DDX60: variants seen among roughly 807,000 people sequenced by gnomAD.
The protein encoded by DDX60 is probable ATP-dependent RNA helicase DDX60.
DDX60 carries 165 observed loss-of-function variants against 212.8 expected under a neutral mutation model. The ratio of observed to expected loss-of-function variants is 0.78; its 90% CI spans 0.68 to 0.88. DDX60 has a LOEUF of 0.88. Ranked by LOEUF, DDX60 falls within the 40% of genes least tolerant of loss-of-function variation. DDX60 has a pLI of 0.00. For synonymous variants in DDX60, 703 were observed against 685.3 expected (o/e 1.03, Z -0.40); for missense variants, 1,905 against 2,003.9 (o/e 0.95, Z 0.94).
chr4:168,236,809 A>G (rs1413799290), intron 32 of DDX60, among the ~76,000 whole-genome samples: 4 of 151,806 alleles, frequency 2.6e-5, no homozygotes, highest in Non-Finnish European at 5.9e-5. Flanking sequence ...TTAATATACT[A>G]TTAGCTATTT....
chr4:168,297,297 C>CGAAAGAAAGAAAGAAAGAAAGAAA (rs70961508), intron 6 of DDX60, among the ~76,000 whole-genome samples: 21 of 67,472 alleles, frequency 3.1e-4, no homozygotes, highest in South Asian at 1.5e-3. Context: ...GAGAGAGAGA[C>CGAAAGAAAGAAAGAAAGAAAGAAA]GAAAGAAAGA....
chr4:168,257,372 A>T (rs1372643228), intron 25 of DDX60, among the ~76,000 whole-genome samples: 1 of 152,118 alleles, frequency 6.6e-6, no homozygotes, highest in African/African-American at 2.4e-5. Flanking sequence ...CAGTATGTTA[A>T]CTCATTTAGT....
chr4:168,216,747 T>C lies in DDX60; in HGVS notation c.*186A>G. 2.1e-6 allele frequency: 1 copy of C among 475,456 alleles called. No homozygotes were observed. The highest frequency in any genetic ancestry group is 3.7e-5 in the East Asian group (1 of 26,780). 29.5% of individuals were successfully genotyped at this position (475,456 alleles called of 1,614,324 possible). ...GGTATACTAAATAATTTGTGAGTAT[T>C]CATGACAGAACATGGCAGGTTTGAT... On this transcript the variant is annotated 3_prime_UTR_variant, in exon 38 of 38. Coordinates refer to ENST00000393743, the MANE Select transcript of DDX60 (RefSeq NM_017631.6).
At position 168,287,130 on chromosome 4, in the gene DDX60, G is replaced by A. The variant is rs763443820; in HGVS notation, c.1257C>T (p.Val419=). ...ATGGCTGTCCAACCTCAAAGTCTCT[G>A]ACCAACTTTGATACGGTATTCCAGA... ...EYLWNTVSKL[V]RDFEVGQPFP... The change falls in exon 10 of 38, where the codon GTC becomes GTT. Residue 419 remains valine, a synonymous_variant. Transcript: ENST00000393743. The A allele has an allele frequency of 6.2e-7, 1 of 1,611,544 alleles. No individual in the cohort carries two copies.
At chr4:168,313,602 C>G (rs1737235990) in intron 1 of DDX60, among the ~76,000 whole-genome samples, 1 of 152,066 alleles carries the variant, frequency 6.6e-6, no homozygotes, top group Non-Finnish European at 1.5e-5. Context: ...ACTGAACAGG[C>G]AAGAGAGAAT....
intron 33 of DDX60, 93 bp from the exon 34 acceptor site, chr4:168,225,769 T>G: frequency 1.1e-5 from 13 of 1,135,324 alleles, no homozygotes; most frequent in Non-Finnish European, 1.6e-5. Flanking sequence ...CATTGCAATA[T>G]AATTCTATAG....
At chr4:168,273,134 C>T in intron 18 of DDX60, 145 bp downstream of exon 18, 2 of 833,684 alleles carry the variant, frequency 2.4e-6, no homozygotes, top group Non-Finnish European at 3.6e-6. Flanking sequence ...AACAATATTA[C>T]ATTTTTTCTA....
upstream of DDX60, among the ~76,000 whole-genome samples, chr4:168,320,444 T>C (rs1485620451): frequency 1.3e-5 from 2 of 151,842 alleles, no homozygotes; most frequent in Non-Finnish European, 2.9e-5. Flanking sequence ...CTCTAGAAAC[T>C]ACCAAAGGCA....
chr4:168,253,506 C>T (rs1322361887), intron 26 of DDX60, among the ~76,000 whole-genome samples: 1 of 152,070 alleles, frequency 6.6e-6, no homozygotes, highest in African/African-American at 2.4e-5. Context: ...TGGGTGGTTA[C>T]GACCTCTCCT....
At position 168,221,780 on chromosome 4, in the gene DDX60, T is replaced by C. The variant is rs1207080033; in HGVS notation, c.4926A>G (p.Ala1642=). Residue 1642 remains alanine (A), a synonymous_variant, in exon 36 of 38, where the codon GCA becomes GCG. Transcript: ENST00000393743. ...AGGAACCATGTTTGTAGAAATCCAG[T>C]GCATAGGCATTAAGCGACATTTTCC... ...RGRKMSLNAY[A]LDFYKHGSLI... 1 of 1,613,188 alleles carries C rather than the reference T, an allele frequency of 6.2e-7. No individual in the cohort carries two copies. Among genetic ancestry groups the C allele is most frequent in the Admixed American group, 1.7e-5 (1 of 59,938 alleles).
chr4:168,241,104 C>A (rs1353501140), intron 30 of DDX60, among the ~76,000 whole-genome samples: 1 of 152,206 alleles, frequency 6.6e-6, no homozygotes, highest in Non-Finnish European at 1.5e-5. Flanking sequence ...CTCTCTTTGC[C>A]TGCTGCCATC....
At chr4:168,218,508 G>C (rs1732930726) in intron 37 of DDX60, among the ~76,000 whole-genome samples, 1 of 152,066 alleles carries the variant, frequency 6.6e-6, no homozygotes, top group African/African-American at 2.4e-5. Context: ...CTGCATGACT[G>C]TTACAGCCTT....
intron 25 of DDX60, 90 bp from the exon 26 acceptor site, chr4:168,255,959 T>C (rs903098072): frequency 1.5e-6 from 2 of 1,358,938 alleles, no homozygotes; most frequent in African/African-American, 3.0e-5. Flanking sequence ...TCCCGACATC[T>C]GCCTGTTGGG....
intron 35 of DDX60, among the ~76,000 whole-genome samples, chr4:168,223,611 A>G (rs922707073): frequency 6.6e-6 from 1 of 152,100 alleles, no homozygotes; most frequent in Non-Finnish European, 1.5e-5. Context: ...GTATTTTTAG[A>G]AAGTATTTAA....
intron 34 of DDX60, among the ~76,000 whole-genome samples, chr4:168,224,626 G>T (rs1163434414): frequency 6.6e-6 from 1 of 151,818 alleles, no homozygotes; most frequent in African/African-American, 2.4e-5. Context: ...TATTTTAGTT[G>T]CCTTAATCAA....
intron 16 of DDX60, 109 bp from the exon 17 acceptor site, chr4:168,274,192 G>A: frequency 1.5e-6 from 2 of 1,331,492 alleles, no homozygotes; most frequent in Non-Finnish European, 2.1e-6. Context: ...CAAAGGATCT[G>A]TAGGTACATC....
In DDX60 at chr4:168,220,701, C is replaced by A; in HGVS notation, c.4993G>T (p.Ala1665Ser). ...VQDNRMNEGD[A>S]YYLLKDFALT... ...GCAAAATCCTTCAACAAATAATAAG[C>A]ATCTCCTTCATTCATCCTAAAGAAA... Residue 1665 changes from alanine to serine, a missense_variant, in exon 37 of 38, where the codon GCT becomes TCT. By Grantham distance (99) the Ala-to-Ser change is moderately conservative (BLOSUM62 1). Coordinates refer to ENST00000393743, the MANE Select transcript of DDX60 (RefSeq NM_017631.6). 1 of 1,438,480 alleles carries A rather than the reference C, an allele frequency of 7.0e-7. No homozygotes were observed. The highest frequency in any genetic ancestry group is 9.2e-7 in the Non-Finnish European group (1 of 1,090,030). 89.1% of individuals were successfully genotyped at this position (1,438,480 alleles called of 1,614,324 possible).
chr4:168,276,091 T>C lies in DDX60; in HGVS notation c.2069A>G (p.Asp690Gly). 6.2e-7 allele frequency: 1 copy of C among 1,613,828 alleles called. No homozygotes were observed. The highest frequency in any genetic ancestry group is 8.5e-7 in the Non-Finnish European group (1 of 1,179,828). Reference sequence around the variant, plus strand: ...GCATCTGGCTATGAGTTGCCGATCATCTTCTTGTAAAAGTTCTGAGTATTT... The same window carrying C: ...GCATCTGGCTATGAGTTGCCGATCACCTTCTTGTAAAAGTTCTGAGTATTT... ...MEKYSELLQEDDRQLIARCLK... is the reference protein window; with the variant it reads ...MEKYSELLQEGDRQLIARCLK... Residue 690 changes from aspartate to glycine, a missense_variant, in exon 15 of 38, where the codon GAT becomes GGT. Asp to Gly is a moderately conservative substitution (Grantham distance 94). Coordinates refer to ENST00000393743, the MANE Select transcript of DDX60 (RefSeq NM_017631.6).
chr4:168,246,104 A>T (rs1375314815), intron 30 of DDX60, among the ~76,000 whole-genome samples: 1 of 152,184 alleles, frequency 6.6e-6, no homozygotes, highest in East Asian at 1.9e-4. Flanking sequence ...GGAGTCTATT[A>T]GTCACCTAGA....
Sources: allele counts gnomAD v4.1 joint callset (sites outside exome capture counted in the v4.1 genomes callset), GRCh38; gene constraint gnomAD v4.1.1; transcripts MANE v1.5; gene names NCBI Gene and HGNC (gene_info 2026-07-23, HGNC 2026-07-21).